EFCAB5: variants seen among roughly 807,000 people sequenced by gnomAD.
The protein encoded by EFCAB5 is EF-hand calcium binding domain 5.
In EFCAB5, 131 loss-of-function variants were observed where a neutral mutation model predicts 167.9. That is an observed-to-expected ratio of 0.78 (90% CI 0.68 to 0.90). EFCAB5 has a LOEUF of 0.90. Ranked by LOEUF, EFCAB5 falls within the 40% of genes least tolerant of loss-of-function variation. EFCAB5 has a pLI of 0.00. For missense variants in EFCAB5, 1,663 were observed against 1,745.2 expected (o/e 0.95, Z 0.84); for synonymous variants, 574 against 602.8 (o/e 0.95, Z 0.70).
chr17:30,057,917 C>A, intron 13 of EFCAB5, 27 bp downstream of exon 13: 1 of 1,580,666 alleles, frequency 6.3e-7, no homozygotes, highest in Non-Finnish European at 8.6e-7. Context: ...ATTAATGATA[C>A]AAGTGAGGTC....
intron 18 of EFCAB5, among the ~76,000 whole-genome samples, chr17:30,085,715 G>A (rs574687470): frequency 5.3e-5 from 4 of 75,610 alleles, no homozygotes; most frequent in South Asian, 1.1e-3. Context: ...GCGAGACTCC[G>A]TCTCAAAAAA....
chr17:30,049,172 G>A (rs1307769341), intron 8 of EFCAB5, among the ~76,000 whole-genome samples: 1 of 152,106 alleles, frequency 6.6e-6, no homozygotes, highest in Non-Finnish European at 1.5e-5. Flanking sequence ...CAGCTAATGT[G>A]TGTCAGAGGA....
chr17:30,053,627 C>T lies in EFCAB5; in HGVS notation c.1673C>T (p.Ser558Leu), dbSNP rs2070165492. ...ACAGAGTCAACTCTAGAACAAGGGT[C>T]AAGTAGAAGGTTACTGACAGAACAA... ...THTESTLEQG[S>L]SRRLLTEQET... The change falls in exon 10 of 23, where the codon TCA becomes TTA. Residue 558 changes from serine (S) to leucine (L), a missense_variant. Ser to Leu is a moderately radical substitution (Grantham distance 145). Coordinates refer to ENST00000394835, the MANE Select transcript of EFCAB5 (RefSeq NM_198529.4). 6 of 1,613,684 alleles carry T rather than the reference C, an allele frequency of 3.7e-6. No homozygotes were observed. Among genetic ancestry groups the T allele is most frequent in the Non-Finnish European group, 5.1e-6 (6 of 1,179,732 alleles).
intron 7 of EFCAB5, among the ~76,000 whole-genome samples, chr17:30,020,188 A>C (rs895474306): frequency 6.6e-6 from 1 of 152,070 alleles, no homozygotes; most frequent in South Asian, 2.1e-4. Flanking sequence ...GAATACTTAG[A>C]TGGTTCCATA....
Position 30,092,888 on chromosome 17 carries a change from GCCAAGCA to G in EFCAB5, c.4274_4280del (p.Ala1425ValfsTer43). On this transcript the variant is annotated frameshift_variant, in exon 22 of 23. Transcript: ENST00000394835. LOFTEE classifies it low-confidence loss of function (END_TRUNC). ...CAATATTTGTGCCTTTGATCCAACT[GCCAAGCA>G]TGTGGAAGTTAATGTACAGCTTATT... The G allele has an allele frequency of 1.2e-6, 2 of 1,611,556 alleles. No homozygotes were observed. Among genetic ancestry groups the G allele is most frequent in the Non-Finnish European group, 1.7e-6 (2 of 1,178,898 alleles).
chr17:29,931,341 A>G (rs1230816888), intron 1 of EFCAB5, among the ~76,000 whole-genome samples: 1 of 152,194 alleles, frequency 6.6e-6, no homozygotes, highest in Non-Finnish European at 1.5e-5. Flanking sequence ...CAGGGCTGTC[A>G]TGAGCTCTTT....
intron 6 of EFCAB5, among the ~76,000 whole-genome samples, chr17:29,997,616 A>G (rs980682521): frequency 3.9e-5 from 6 of 152,150 alleles, no homozygotes; most frequent in East Asian, 1.9e-4. Flanking sequence ...AAATTTTCAT[A>G]TAAGTTATAT....
At chr17:29,942,957 T>C (rs1341028717) in intron 2 of EFCAB5, among the ~76,000 whole-genome samples, 1 of 151,844 alleles carries the variant, frequency 6.6e-6, no homozygotes, top group African/African-American at 2.4e-5. Flanking sequence ...ATAATCACTT[T>C]AACCCAGGAG....
At chr17:29,983,581 C>T (rs1396883600) in intron 4 of EFCAB5, among the ~76,000 whole-genome samples, 1 of 152,168 alleles carries the variant, frequency 6.6e-6, no homozygotes, top group African/African-American at 2.4e-5. Flanking sequence ...TTCTTCCCTT[C>T]CAGTCCCCTT....
chr17:30,006,850 T>C (rs1232455979), intron 7 of EFCAB5, among the ~76,000 whole-genome samples: 1 of 152,162 alleles, frequency 6.6e-6, no homozygotes, highest in Non-Finnish European at 1.5e-5. Flanking sequence ...TGGACATTAA[T>C]CTCCCTATGT....
intron 7 of EFCAB5, among the ~76,000 whole-genome samples, chr17:30,007,715 G>A (rs961357080): frequency 6.6e-6 from 1 of 152,138 alleles, no homozygotes; most frequent in African/African-American, 2.4e-5. Flanking sequence ...AGCCCAGAGT[G>A]GTGACCCACA....
At chr17:30,057,131 A>G (rs2070292518) in intron 12 of EFCAB5, among the ~76,000 whole-genome samples, 1 of 152,210 alleles carries the variant, frequency 6.6e-6, no homozygotes, top group African/African-American at 2.4e-5. Flanking sequence ...TAATTTGTTT[A>G]ACTAGAAAGT....
At chr17:30,003,097 AG>A (rs1200026973) in intron 7 of EFCAB5, among the ~76,000 whole-genome samples, 1 of 93,034 alleles carries the variant, frequency 1.1e-5, no homozygotes. Context: ...TTTTTTTTGT[AG>A]CGGGGGGGGG....
At chr17:29,931,607 GACTGTGTTTTCCCCAGA>G (rs146409762) in intron 1 of EFCAB5, among the ~76,000 whole-genome samples, 5,126 of 152,236 alleles carry the variant, frequency 0.034, 150 homozygotes, top group Middle Eastern at 0.065. Context: ...TAAACAATCT[GACTGTGTTTTCCCCAGA>G]GCTCCGTAGT....
In EFCAB5 at chr17:30,080,241, G is replaced by T. The variant is rs770567136; in HGVS notation, c.3197G>T (p.Ser1066Ile). The T allele has an allele frequency of 1.3e-6, 2 of 1,567,966 alleles. No homozygotes were observed. The highest frequency in any genetic ancestry group is 1.7e-6 in the Non-Finnish European group (2 of 1,163,878). Residue 1066 changes from serine to isoleucine, a missense_variant and splice_region_variant, in exon 16 of 23, where the codon AGC becomes ATC. Ser to Ile is a moderately radical substitution (Grantham distance 142). Transcript: ENST00000394835. ...CTCTACAGGGACATGAAAGGAATCAGGTAAGAACTTCTTGAAGAGATTGGT... is the reference window on the plus strand; with the variant it reads ...CTCTACAGGGACATGAAAGGAATCATGTAAGAACTTCTTGAAGAGATTGGT... Reference protein sequence around the residue: ...RVLYRDMKGISFTVVDEGKPI... With the variant: ...RVLYRDMKGIIFTVVDEGKPI...
intron 22 of EFCAB5, among the ~76,000 whole-genome samples, chr17:30,099,299 C>T (rs994581779): frequency 6.6e-6 from 1 of 152,090 alleles, no homozygotes; most frequent in African/African-American, 2.4e-5. Flanking sequence ...AAATGAAAAA[C>T]TTTGCCAGGT....
chr17:29,950,769 C>A (rs925393050), intron 3 of EFCAB5: 2 of 152,114 alleles, frequency 1.3e-5, no homozygotes, highest in African/African-American at 4.8e-5. Flanking sequence ...ATGTGTTAAT[C>A]AACTGCTTAT....
At chr17:30,027,293 CTTTTTTTTTTTTTTTT>C (rs906468665) in intron 7 of EFCAB5, among the ~76,000 whole-genome samples, 1 of 67,366 alleles carries the variant, frequency 1.5e-5, no homozygotes, top group Admixed American at 1.6e-4. Context: ...CCACACCAGT[CTTTTTTTTTTTTTTTT>C]TTTTTTTTTT....
chr17:29,972,637 G>C (rs2067982020), intron 4 of EFCAB5: 1 of 157,294 alleles, frequency 6.4e-6, no homozygotes, highest in South Asian at 1.8e-4. Flanking sequence ...TCTCATTGGA[G>C]CCAGTTGGGG....
Sources: gnomAD v4.1 joint callset for allele counts (sites outside exome capture counted in the v4.1 genomes callset) on GRCh38, gnomAD v4.1.1 for gene constraint, MANE v1.5 for transcripts, NCBI Gene and HGNC (gene_info 2026-07-23, HGNC 2026-07-21) for gene names.